The following TMEM117 variants were observed in gnomAD, a reference collection of about 807,000 sequenced individuals.
TMEM117 encodes transmembrane protein 117.
Under a neutral mutation model 52.4 loss-of-function variants are expected in TMEM117, and 27 were observed. The ratio of observed to expected loss-of-function variants is 0.51; its 90% CI spans 0.38 to 0.71. The LOEUF (loss-of-function observed/expected upper bound fraction) is 0.71, where lower values mean the gene tolerates loss of function less well. Among genes scored for constraint, TMEM117 ranks in the 30% least tolerant of loss-of-function variants. TMEM117 has a pLI of 0.00. For synonymous variants in TMEM117, 215 were observed against 206.3 expected, an observed-to-expected ratio of 1.04 and a Z score of -0.36; for missense variants, 556 against 630.5, an observed-to-expected ratio of 0.88 and a Z score of 1.26.
At chr12:44,301,463 T>A (rs1211465949) in intron 6 of TMEM117, among the ~76,000 whole-genome samples, 1 of 152,120 alleles carries the variant, frequency 6.6e-6, no homozygotes, top group East Asian at 1.9e-4. Flanking sequence ...GAGCACCAAA[T>A]GACCGACGAT....
At chr12:43,998,524 G>A (rs903093967) in intron 3 of TMEM117, among the ~76,000 whole-genome samples, 4 of 152,074 alleles carry the variant, frequency 2.6e-5, no homozygotes, top group Admixed American at 1.3e-4. Context: ...ATTTGTTACT[G>A]TTTTCTATTT....
chr12:43,912,531 A>ATATATATATATATATATATATATG (rs1565747582), intron 2 of TMEM117, among the ~76,000 whole-genome samples: 1 of 115,490 alleles, frequency 8.7e-6, no homozygotes, highest in African/African-American at 2.9e-5. Context: ...ATATATATAT[A>ATATATATATATATATATATATATG]TATATGGCAG....
the TMEM117 span, among the ~76,000 whole-genome samples, chr12:43,818,316 T>A: frequency 6.6e-6 from 1 of 152,274 alleles, no homozygotes; most frequent in African/African-American, 2.4e-5. Flanking sequence ...GAAAATAAAA[T>A]GAACTTTTAA....
chr12:43,958,875 C>G (rs529727155), intron 3 of TMEM117, among the ~76,000 whole-genome samples: 1 of 151,964 alleles, frequency 6.6e-6, no homozygotes, highest in Non-Finnish European at 1.5e-5. Flanking sequence ...GGCGGGATCT[C>G]GGCTCACTGC....
In TMEM117 at chr12:43,993,564, G is replaced by C. The variant is rs142915925; in HGVS notation, c.410+49222G>C. Among the ~76,000 whole-genome samples, 8 of 152,144 alleles carry C rather than the reference G, an allele frequency of 5.3e-5. No individual in the cohort carries two copies. In the South Asian group the frequency reaches 1.0e-3, roughly 20 times the overall value. The stretch of plus-strand genomic sequence containing the variant: ...AGGAGAGACTTGGAGAAGATGGAGG[G>C]GGGTGGAAGATATGAGGAGAAAATG... On this transcript the variant is annotated intron_variant, in intron 3 of 7. Coordinates refer to ENST00000266534, the MANE Select transcript of TMEM117 (RefSeq NM_032256.3).
Position 44,299,729 on chromosome 12 carries a change from T to C in TMEM117, c.758T>C (p.Ile253Thr). Reference sequence around the variant, plus strand: ...TTTATCTTGGTCTTTGACCTTCTTATTGTGATGCAGGTAAGTGTATTTCCC... The same window carrying C: ...TTTATCTTGGTCTTTGACCTTCTTACTGTGATGCAGGTAAGTGTATTTCCC... ...ASFILVFDLLIVMQDWEFPHF... is the reference protein window; with the variant it reads ...ASFILVFDLLTVMQDWEFPHF... Residue 253 changes from isoleucine (I) to threonine (T), a missense_variant, in exon 6 of 8, where the codon ATT becomes ACT. Around this residue, in one of 3 missense-constraint regions of TMEM117, gnomAD observed 328 missense variants for 371.4 expected, o/e 0.88. Coordinates refer to ENST00000266534, the MANE Select transcript of TMEM117 (RefSeq NM_032256.3). 6.2e-7 allele frequency: 1 copy of C among 1,614,134 alleles called. No individual in the cohort carries two copies. Among genetic ancestry groups the C allele is most frequent in the Non-Finnish European group, 8.5e-7 (1 of 1,179,980 alleles).
intron 1 of TMEM117, among the ~76,000 whole-genome samples, chr12:43,836,620 G>A (rs866525966): frequency 4.7e-4 from 71 of 152,274 alleles, no homozygotes; most frequent in African/African-American, 1.6e-3. Context: ...TAAATTAACA[G>A]GTTGCAGTTC....
At chr12:44,119,868 G>A (rs74084661) in intron 3 of TMEM117, among the ~76,000 whole-genome samples, 1,858 of 152,304 alleles carry the variant, frequency 0.012, 41 homozygotes, top group African/African-American at 0.042. Flanking sequence ...TTGAGAATGA[G>A]TAGAACATGG....
At chr12:44,092,933 C>T (rs981386795) in intron 3 of TMEM117, among the ~76,000 whole-genome samples, 2 of 152,156 alleles carry the variant, frequency 1.3e-5, no homozygotes, top group Non-Finnish European at 2.9e-5. Flanking sequence ...TTCTGCAGTA[C>T]AGGAAATTGA....
chr12:44,105,998 T>A (rs1947946763), intron 3 of TMEM117, among the ~76,000 whole-genome samples: 1 of 152,090 alleles, frequency 6.6e-6, no homozygotes, highest in African/African-American at 2.4e-5. Context: ...AACTCTCAGA[T>A]GTGTCCATAC....
intron 5 of TMEM117, among the ~76,000 whole-genome samples, chr12:44,264,226 A>G (rs764793067): frequency 5.5e-4 from 83 of 152,068 alleles, no homozygotes; most frequent in Non-Finnish European, 2.1e-4. Context: ...GTTTACCTGG[A>G]TGATCTCCCA....
chr12:44,083,841 T>G (rs566564108), intron 3 of TMEM117, among the ~76,000 whole-genome samples: 1 of 152,298 alleles, frequency 6.6e-6, no homozygotes, highest in South Asian at 2.1e-4. Flanking sequence ...TGTGAAATAT[T>G]GTTTGCTTGT....
chr12:43,969,186 T>C (rs1308852473), intron 3 of TMEM117, among the ~76,000 whole-genome samples: 4 of 151,634 alleles, frequency 2.6e-5, no homozygotes, highest in East Asian at 3.9e-4. Flanking sequence ...GTGATAGATA[T>C]CTGTTAGTGT....
chr12:44,044,022 C>T (rs1242426682), intron 3 of TMEM117, among the ~76,000 whole-genome samples: 1 of 152,158 alleles, frequency 6.6e-6, no homozygotes, highest in African/African-American at 2.4e-5. Context: ...GCCTGCCCTC[C>T]CTTGTTTTAA....
intron 6 of TMEM117, among the ~76,000 whole-genome samples, chr12:44,315,460 G>A (rs1485602999): frequency 2.6e-5 from 4 of 152,070 alleles, no homozygotes; most frequent in South Asian, 2.1e-4. Flanking sequence ...TTGACTGTTC[G>A]TTTCTTTCAA....
At chr12:44,116,410 C>T (rs911376792) in intron 3 of TMEM117, among the ~76,000 whole-genome samples, 3 of 151,890 alleles carry the variant, frequency 2.0e-5, no homozygotes, top group Non-Finnish European at 4.4e-5. Context: ...CTGCAAACTG[C>T]ACTTCTAGCC....
At chr12:44,266,547 T>C (rs1218191648) in intron 5 of TMEM117, among the ~76,000 whole-genome samples, 1 of 152,170 alleles carries the variant, frequency 6.6e-6, no homozygotes, top group Non-Finnish European at 1.5e-5. Context: ...GTGATTTGCA[T>C]GTATTTTCTC....
chr12:44,041,233 A>C, intron 3 of TMEM117, among the ~76,000 whole-genome samples: 1 of 135,050 alleles, frequency 7.4e-6, no homozygotes, highest in Admixed American at 7.3e-5. Flanking sequence ...TCCTAATGCT[A>C]TCCCTCCCCC....
At chr12:43,850,525 A>G (rs898933768) in intron 2 of TMEM117, among the ~76,000 whole-genome samples, 1 of 152,034 alleles carries the variant, frequency 6.6e-6, no homozygotes, top group Non-Finnish European at 1.5e-5. Flanking sequence ...TCCCATGCCC[A>G]TTATGCTCCT....
Sources: gnomAD v4.1 joint callset for allele counts (sites outside exome capture counted in the v4.1 genomes callset) on GRCh38, gnomAD v4.1.1 for gene constraint, gnomAD v4.1.1 regional missense constraint, MANE v1.5 for transcripts, NCBI Gene and HGNC (gene_info 2026-07-23, HGNC 2026-07-21) for gene names.